The following SNTG1 variants were observed in gnomAD, a reference collection of about 807,000 sequenced individuals.
SNTG1 encodes gamma-1-syntrophin.
Under a neutral mutation model 74.7 loss-of-function variants are expected in SNTG1, and 39 were observed. The observed-to-expected ratio is 0.52, with a 90% CI of 0.40 to 0.68. The LOEUF (loss-of-function observed/expected upper bound fraction) is 0.68, where lower values mean the gene tolerates loss of function less well. SNTG1 is among the 30% of genes least tolerant of loss of function. The pLI, the probability that SNTG1 is intolerant of heterozygous loss-of-function variation, is 0.00. For missense variants in SNTG1, 685 were observed against 609.5 expected (o/e 1.12, Z -1.30); for synonymous variants, 254 against 217.1 (o/e 1.17, Z -1.49).
chr8:50,751,344 G>C (rs1185777565), intron 17 of SNTG1, among the ~76,000 whole-genome samples: 1 of 151,934 alleles, frequency 6.6e-6, no homozygotes, highest in Non-Finnish European at 1.5e-5. Flanking sequence ...TTATGATACA[G>C]GATAGACAAA....
chr8:50,261,889 T>C (rs536071444), intron 2 of SNTG1, among the ~76,000 whole-genome samples: 2 of 152,140 alleles, frequency 1.3e-5, no homozygotes, highest in South Asian at 4.1e-4. Context: ...CAGAGGAGAA[T>C]AGATTATAAA....
intron 1 of SNTG1, among the ~76,000 whole-genome samples, chr8:49,980,105 A>G (rs942803457): frequency 1.3e-5 from 2 of 152,142 alleles, no homozygotes; most frequent in African/African-American, 4.8e-5. Flanking sequence ...TGTGCAACCA[A>G]TCTCCAGAGC....
At chr8:50,299,552 T>G (rs1234954666) in intron 2 of SNTG1, among the ~76,000 whole-genome samples, 3 of 152,120 alleles carry the variant, frequency 2.0e-5, no homozygotes, top group South Asian at 2.1e-4. Flanking sequence ...GAGTCACATG[T>G]GCAACTTTAA....
chr8:50,201,889 A>G (rs1244036584), intron 2 of SNTG1, among the ~76,000 whole-genome samples: 1 of 152,114 alleles, frequency 6.6e-6, no homozygotes, highest in African/African-American at 2.4e-5. Flanking sequence ...TTTCACTTCA[A>G]TAGTTAGAAA....
At chr8:50,184,964 A>G (rs1228189064) in intron 2 of SNTG1, among the ~76,000 whole-genome samples, 1 of 152,228 alleles carries the variant, frequency 6.6e-6, no homozygotes, top group Non-Finnish European at 1.5e-5. Flanking sequence ...TTAACAAAAC[A>G]AAGAAAAATT....
In SNTG1 at chr8:50,091,840, T is replaced by C. The variant is rs570857029; in HGVS notation, c.-102-80721T>C. 3.9e-5 allele frequency among the ~76,000 whole-genome samples: 6 copies of C among 152,192 alleles called. No homozygotes were observed. In the South Asian group the frequency reaches 1.2e-3, roughly 32 times the overall value. On this transcript the variant is annotated intron_variant, in intron 1 of 18. Transcript: ENST00000642720. ...TTAAATTTAATTTTTTTTTCTCCTATTTGATGGTCTGTAGAAGTCCCACAT... is the reference window on the plus strand; with the variant it reads ...TTAAATTTAATTTTTTTTTCTCCTACTTGATGGTCTGTAGAAGTCCCACAT...
At chr8:50,389,845 C>T (rs183529466) in intron 2 of SNTG1, among the ~76,000 whole-genome samples, 1 of 152,216 alleles carries the variant, frequency 6.6e-6, no homozygotes, top group African/African-American at 2.4e-5. Context: ...TGATGATGAG[C>T]ATTTTTTCAT....
chr8:50,507,874 C>T (rs1021498242), intron 9 of SNTG1, among the ~76,000 whole-genome samples: 4 of 151,204 alleles, frequency 2.6e-5, no homozygotes, highest in South Asian at 4.2e-4. Context: ...GTGATGTTCC[C>T]CTTCCTGTGT....
intron 14 of SNTG1, among the ~76,000 whole-genome samples, chr8:50,657,349 A>G (rs183328007): frequency 1.3e-5 from 2 of 152,262 alleles, no homozygotes; most frequent in African/African-American, 4.8e-5. Context: ...ATGTCAGTGT[A>G]TTTTGTTTAT....
Position 50,694,312 on chromosome 8 carries a change from A to G in SNTG1, c.1039-10288A>G, listed in dbSNP as rs538996543. On this transcript the variant is annotated intron_variant, in intron 15 of 18. Coordinates refer to ENST00000642720, the MANE Select transcript of SNTG1 (RefSeq NM_018967.5). The stretch of plus-strand genomic sequence containing the variant: ...ATCATAAACAAATTTATGAAAAAGT[A>G]TATGCCAAAAAATTGGATAACCTAG... Among the ~76,000 whole-genome samples, 3 of 152,204 alleles carry G rather than the reference A, an allele frequency of 2.0e-5. No homozygotes were observed. In the East Asian group the frequency reaches 5.8e-4, roughly 29 times the overall value.
intron 1 of SNTG1, among the ~76,000 whole-genome samples, chr8:50,036,496 T>C (rs961210302): frequency 1.3e-5 from 2 of 152,170 alleles, no homozygotes; most frequent in African/African-American, 4.8e-5. Flanking sequence ...TCCTCAGAAA[T>C]AGTTTTTCTA....
intron 4 of SNTG1, among the ~76,000 whole-genome samples, chr8:50,417,748 T>A (rs1331395537): frequency 1.3e-5 from 2 of 152,138 alleles, no homozygotes; most frequent in East Asian, 1.9e-4. Flanking sequence ...ACTGAGAAAA[T>A]GAAGCCGAGA....
chr8:50,079,921 A>G (rs1822250556), intron 1 of SNTG1, among the ~76,000 whole-genome samples: 1 of 152,160 alleles, frequency 6.6e-6, no homozygotes, highest in South Asian at 2.1e-4. Context: ...CTGTTTTGGT[A>G]TTAGTACTAT....
At chr8:50,757,459 G>A (rs1282720231) in intron 18 of SNTG1, among the ~76,000 whole-genome samples, 1 of 151,546 alleles carries the variant, frequency 6.6e-6, no homozygotes, top group Non-Finnish European at 1.5e-5. Flanking sequence ...TTTCCTTGTT[G>A]AAGTCTGTGC....
At chr8:50,662,280 C>T (rs1014063137) in intron 15 of SNTG1, among the ~76,000 whole-genome samples, 3 of 152,214 alleles carry the variant, frequency 2.0e-5, no homozygotes, top group Admixed American at 1.3e-4. Flanking sequence ...CACAGAAGAA[C>T]TTGCCTGTGA....
chr8:50,527,138 T>A (rs1318041826), intron 9 of SNTG1, among the ~76,000 whole-genome samples: 2 of 152,174 alleles, frequency 1.3e-5, no homozygotes, highest in African/African-American at 4.8e-5. Flanking sequence ...CATGTGCATA[T>A]CTTCTTTTGG....
chr8:50,774,374 A>C (rs1281433500), intron 18 of SNTG1, among the ~76,000 whole-genome samples: 2 of 151,890 alleles, frequency 1.3e-5, no homozygotes, highest in Non-Finnish European at 2.9e-5. Flanking sequence ...GACTCACAAC[A>C]TGCAAAGAGT....
chr8:50,396,063 G>A (rs1303021026), intron 3 of SNTG1, among the ~76,000 whole-genome samples: 1 of 152,164 alleles, frequency 6.6e-6, no homozygotes, highest in Non-Finnish European at 1.5e-5. Flanking sequence ...AAACAAAATT[G>A]TTTTGATGTA....
At chr8:50,515,245 T>C (rs1350386947) in intron 9 of SNTG1, among the ~76,000 whole-genome samples, 1 of 152,196 alleles carries the variant, frequency 6.6e-6, no homozygotes, top group African/African-American at 2.4e-5. Context: ...TCTTGTTGCA[T>C]ATAAAAGTTA....
Sources: allele counts gnomAD v4.1 joint callset (sites outside exome capture counted in the v4.1 genomes callset), GRCh38; gene constraint gnomAD v4.1.1; transcripts MANE v1.5; gene names NCBI Gene and HGNC (gene_info 2026-07-23, HGNC 2026-07-21).